The following LRRC3B variants were observed in gnomAD, a reference collection of about 807,000 sequenced individuals.
LRRC3B encodes the protein leucine-rich repeat-containing protein 3B.
Under a neutral mutation model 12.8 loss-of-function variants are expected in LRRC3B, and 2 were observed. The ratio of observed to expected loss-of-function variants is 0.16; its 90% CI spans 0.06 to 0.49. The LOEUF is 0.49. Ranked by LOEUF, LRRC3B falls within the 20% of genes least tolerant of loss-of-function variation. LRRC3B has a pLI of 0.96. For synonymous variants in LRRC3B, 132 were observed against 122.0 expected (o/e 1.08, Z -0.54); for missense variants, 189 against 319.4 (o/e 0.59, Z 3.11).
exon 2 of LRRC3B, chr3:26,710,245 C>G (rs146526715): frequency 6.2e-7 from 1 of 1,613,716 alleles, no homozygotes; most frequent in Non-Finnish European, 8.5e-7. Context: ...CTGCCAACGA[C>G]GCTGACCTTT....
At chr3:26,647,384 T>TGCCA (rs1363417691) in intron 1 of LRRC3B, among the ~76,000 whole-genome samples, 1 of 152,204 alleles carries the variant, frequency 6.6e-6, no homozygotes, top group Non-Finnish European at 1.5e-5. Context: ...CACTCCTGTA[T>TGCCA]GCCAGCACCT....
intron 1 of LRRC3B, among the ~76,000 whole-genome samples, chr3:26,674,357 A>G (rs1215964276): frequency 6.6e-6 from 1 of 152,208 alleles, no homozygotes; most frequent in East Asian, 1.9e-4. Flanking sequence ...ATGAAACTAA[A>G]TGGACTAAAA....
chr3:26,638,381 G>A (rs1487275289), intron 1 of LRRC3B, among the ~76,000 whole-genome samples: 1 of 151,880 alleles, frequency 6.6e-6, no homozygotes, highest in Non-Finnish European at 1.5e-5. Context: ...TAAATGGAAG[G>A]AAATGCCAAA....
chr3:26,699,124 T>C (rs537832458), intron 1 of LRRC3B, among the ~76,000 whole-genome samples: 1 of 151,720 alleles, frequency 6.6e-6, no homozygotes, highest in South Asian at 2.1e-4. Flanking sequence ...AAGTTGTGAA[T>C]TGGTCTGATG....
intron 1 of LRRC3B, among the ~76,000 whole-genome samples, chr3:26,647,941 G>A (rs1699187027): frequency 6.6e-6 from 1 of 152,186 alleles, no homozygotes; most frequent in Non-Finnish European, 1.5e-5. Flanking sequence ...TGGGGATGAG[G>A]AGGCAGAAAT....
chr3:26,678,336 A>T (rs962701780), intron 1 of LRRC3B, among the ~76,000 whole-genome samples: 3 of 151,982 alleles, frequency 2.0e-5, no homozygotes, highest in African/African-American at 7.2e-5. Flanking sequence ...TCTACTAAAC[A>T]TACAAAAATT....
intron 1 of LRRC3B, among the ~76,000 whole-genome samples, chr3:26,667,080 T>C (rs961503829): frequency 1.9e-4 from 12 of 62,924 alleles, no homozygotes; most frequent in African/African-American, 6.6e-4. Context: ...CCCTCTGTGA[T>C]TTTTTTTTAA....
At chr3:26,675,265 T>A (rs1043661895) in intron 1 of LRRC3B, among the ~76,000 whole-genome samples, 1 of 152,194 alleles carries the variant, frequency 6.6e-6, no homozygotes, top group African/African-American at 2.4e-5. Flanking sequence ...TAAAATCAAG[T>A]CTGCATGTCT....
rs151286623 is a variant in LRRC3B, at chr3:26,637,832, A to C, written c.-161+14595A>C. Reference sequence around the variant, plus strand: ...AACATTATGGATGACTAATATCATCACCCAATGTGTCATCAATAATAATCT... The same window carrying C: ...AACATTATGGATGACTAATATCATCCCCCAATGTGTCATCAATAATAATCT... On this transcript the variant is annotated intron_variant, in intron 1 of 1. Transcript: ENST00000396641. Among the ~76,000 whole-genome samples, 4 of 152,370 alleles carry C rather than the reference A, an allele frequency of 2.6e-5. No individual in the cohort carries two copies. In the East Asian group the frequency reaches 7.7e-4, roughly 29 times the overall value.
At chr3:26,708,127 C>T (rs1700648923) in intron 1 of LRRC3B, among the ~76,000 whole-genome samples, 1 of 152,152 alleles carries the variant, frequency 6.6e-6, no homozygotes, top group Non-Finnish European at 1.5e-5. Flanking sequence ...TCATAAAAGA[C>T]AAGTTTTCAG....
intron 1 of LRRC3B, among the ~76,000 whole-genome samples, chr3:26,667,421 T>C (rs1699629066): frequency 2.0e-5 from 3 of 152,136 alleles, no homozygotes; most frequent in Admixed American, 2.0e-4. Context: ...TTAAAGAAAG[T>C]AACAGTTTAT....
chr3:26,706,742 G>C (rs1484697278), intron 1 of LRRC3B, among the ~76,000 whole-genome samples: 2 of 152,206 alleles, frequency 1.3e-5, no homozygotes, highest in Non-Finnish European at 2.9e-5. Flanking sequence ...AAAGAAGCCT[G>C]CTGAGGAAGA....
At position 26,685,615 on chromosome 3, in the gene LRRC3B, G is replaced by GTGTATATATATATATATATA. The variant is rs1395832034; in HGVS notation, c.-160-23897_-160-23896insGTATATATATATATATATAT. Among the ~76,000 whole-genome samples the GTGTATATATATATATATATA allele has an allele frequency of 8.3e-5, 10 of 120,480 alleles. No homozygotes were observed. In the East Asian group the frequency reaches 2.1e-3, roughly 26 times the overall value. The allele number at this position is 120,480 out of a possible 152,430, so 79.0% of individuals were successfully genotyped here. On this transcript the variant is annotated intron_variant, in intron 1 of 1. Transcript: ENST00000396641. ...CACTCATATATATATATGTGTGTGTGTATATATATATATATATATCTATAT... is the reference window on the plus strand; with the variant it reads ...CACTCATATATATATATGTGTGTGTGTGTATATATATATATATATATATATATATATATATATATCTATAT...
chr3:26,681,757 G>T (rs1306632367), intron 1 of LRRC3B, among the ~76,000 whole-genome samples: 1 of 152,120 alleles, frequency 6.6e-6, no homozygotes, highest in African/African-American at 2.4e-5. Context: ...CAACCAGATG[G>T]TTGATAGATC....
chr3:26,632,547 C>T (rs773832735), intron 1 of LRRC3B, among the ~76,000 whole-genome samples: 6 of 151,922 alleles, frequency 3.9e-5, no homozygotes, highest in Admixed American at 1.3e-4. Context: ...ATCCCCGAGC[C>T]GTTACCCCCT....
intron 1 of LRRC3B, among the ~76,000 whole-genome samples, chr3:26,692,808 A>T (rs887379140): frequency 6.6e-6 from 1 of 152,218 alleles, no homozygotes; most frequent in Non-Finnish European, 1.5e-5. Flanking sequence ...TTGCTCACAA[A>T]TCCGTGAGTA....
chr3:26,627,353 G>A lies in LRRC3B; in HGVS notation c.-161+4116G>A, dbSNP rs948300783. Among the ~76,000 whole-genome samples, 4 of 152,292 alleles carry A rather than the reference G, an allele frequency of 2.6e-5. No homozygotes were observed. In the South Asian group the frequency reaches 8.3e-4, roughly 32 times the overall value. ...TCAGAATCAGATCAGCGGGGCAAGAGTCATAGACAGATAGTGGAAACCTGG... is the reference window on the plus strand; with the variant it reads ...TCAGAATCAGATCAGCGGGGCAAGAATCATAGACAGATAGTGGAAACCTGG... On this transcript the variant is annotated intron_variant, in intron 1 of 1. Transcript: ENST00000396641.
chr3:26,641,024 A>G (rs1559352029), intron 1 of LRRC3B, among the ~76,000 whole-genome samples: 1 of 152,174 alleles, frequency 6.6e-6, no homozygotes, highest in Non-Finnish European at 1.5e-5. Flanking sequence ...AGATGTTTGG[A>G]ATGCAAAGGT....
chr3:26,679,968 T>C (rs1305376259), intron 1 of LRRC3B, among the ~76,000 whole-genome samples: 1 of 152,178 alleles, frequency 6.6e-6, no homozygotes, highest in Non-Finnish European at 1.5e-5. Context: ...CACTACCCCA[T>C]CCTCTACAGA....
Sources: gnomAD v4.1 joint callset for allele counts (sites outside exome capture counted in the v4.1 genomes callset) on GRCh38, gnomAD v4.1.1 for gene constraint, MANE v1.5 for transcripts, NCBI Gene and HGNC (gene_info 2026-07-23, HGNC 2026-07-21) for gene names.